Variants in PDE4DIP observed in about 807,000 individuals in gnomAD.
PDE4DIP encodes the protein myomegalin.
A neutral mutation model predicts 221.4 loss-of-function variants in PDE4DIP; 59 were observed. The observed-to-expected ratio is 0.27, with a 90% CI of 0.22 to 0.33. The LOEUF is 0.33. Among genes scored for constraint, PDE4DIP ranks in the 10% least tolerant of loss-of-function variants. The pLI, the probability that PDE4DIP is intolerant of heterozygous loss-of-function variation, is 1.00. For synonymous variants in PDE4DIP, 404 were observed against 815.9 expected (o/e 0.50, Z 8.60); for missense variants, 1,036 against 2,154.2 (o/e 0.48, Z 10.28).
rs1553503722 is a variant in PDE4DIP at position 148,957,517 on chromosome 1, TACA to T, written c.637-3136_637-3134del. On this transcript the variant is annotated intron_variant, in intron 5 of 43. Transcript: ENST00000369354. ...AGTTGCTGTTCGAATATATGTTATA[TACA>T]GTCTTATTTCTAAGAGAGCCACTAA... 3.4e-4 allele frequency among the ~76,000 whole-genome samples: 51 copies of T among 151,820 alleles called. No homozygotes were observed. In the South Asian group the frequency reaches 5.7e-3, roughly 17 times the overall value.
rs2060470416 is a variant in PDE4DIP, at chr1:148,977,802, TG to T, written c.2320-133del. ...TTTGTTACTATACTGCATGGATTAT[TG>T]GTTTGATGCTGTAGAGCCCTATTCA... On this transcript the variant is annotated intron_variant, in intron 17 of 43. Transcript: ENST00000369354. 9 of 1,329,860 alleles carry T rather than the reference TG, an allele frequency of 6.8e-6. No individual in the cohort carries two copies. In the South Asian group the frequency reaches 8.7e-5, roughly 13 times the overall value. 82.4% of individuals were successfully genotyped at this position (1,329,860 alleles called of 1,614,324 possible).
At chr1:149,029,666 A>T in intron 41 of PDE4DIP, 121 bp from the exon 45 acceptor site, 4 of 746,576 alleles carry the variant, frequency 5.4e-6, no homozygotes, top group Non-Finnish European at 8.8e-6. Context: ...GTGAAGGAGG[A>T]AATCCAGTTC....
At position 149,030,067 on chromosome 1, in the gene PDE4DIP, G is replaced by T. The variant is rs2274128; in HGVS notation, c.6952+142G>T. 9.4e-4 allele frequency: 1,042 copies of T among 1,102,782 alleles called. 5 individuals carry two copies. Among genetic ancestry groups the T allele is most frequent in the African/African-American group, 3.1e-3 (203 of 65,194 alleles). The allele number at this position is 1,102,782 out of a possible 1,614,324, so 68.3% of individuals were successfully genotyped here. On this transcript the variant is annotated intron_variant, in intron 42 of 43. Transcript: ENST00000369354. ...TGATGTCCCCAAACCTCCTGTACCA[G>T]GAGCAATTGTGGCTGCAGAGGGAGG...
At chr1:148,832,732 G>A (rs587666727) in intron 1 of PDE4DIP, among the ~76,000 whole-genome samples, 79 of 149,434 alleles carry the variant, frequency 5.3e-4, no homozygotes, top group Middle Eastern at 6.9e-3. Context: ...TGCTGATTAC[G>A]TTTATTGATT....
chr1:148,937,565 A>C, intron 4 of PDE4DIP, among the ~76,000 whole-genome samples, 182 bp from the exon 8 acceptor site: 1 of 152,302 alleles, frequency 6.6e-6, no homozygotes, highest in East Asian at 1.9e-4. Flanking sequence ...TTGTTTGTGT[A>C]TATATTTGGG....
At chr1:148,938,582 G>T (rs1464665283) in intron 5 of PDE4DIP, 4 of 152,308 alleles carry the variant, frequency 2.6e-5, no homozygotes, top group Admixed American at 6.5e-5. Context: ...TTTTTTGAGG[G>T]TTAAGTTGTA....
intron 5 of PDE4DIP, among the ~76,000 whole-genome samples, chr1:148,945,326 G>A (rs1406095407): frequency 1.3e-5 from 2 of 151,776 alleles, no homozygotes; most frequent in African/African-American, 4.8e-5. Context: ...GGCTGGATTT[G>A]GTCCACAGTC....
chr1:148,844,528 C>T (rs1553380542), intron 1 of PDE4DIP: 1 of 107,766 alleles, frequency 9.3e-6, no homozygotes, highest in African/African-American at 3.4e-5. Flanking sequence ...TGAGTCCAGC[C>T]TCCTACTGAG....
At chr1:148,889,159 G>A (rs1359486389), upstream of PDE4DIP, among the ~76,000 whole-genome samples, 6 of 152,112 alleles carry the variant, frequency 3.9e-5, no homozygotes, top group South Asian at 2.1e-4. Context: ...TTTGACATGC[G>A]GTTACCTTTG....
intron 22 of PDE4DIP, 92 bp downstream of exon 25, chr1:148,992,065 T>G (rs2063204528): frequency 1.3e-6 from 1 of 748,908 alleles, no homozygotes; most frequent in South Asian, 1.6e-5. Context: ...GCGGACTTAG[T>G]GAGAAGATAT....
At chr1:148,967,994 G>A (rs1431744890) in intron 13 of PDE4DIP, 89 bp downstream of exon 16, 6 of 787,616 alleles carry the variant, frequency 7.6e-6, no homozygotes, top group Non-Finnish European at 1.2e-5. Flanking sequence ...GGAGGACTGT[G>A]ACCCAAGTCT....
intron 3 of PDE4DIP, among the ~76,000 whole-genome samples, chr1:148,869,780 A>AG (rs1553411746): frequency 1.0e-5 from 1 of 95,778 alleles, no homozygotes; most frequent in African/African-American, 4.7e-5. Context: ...TGTGCTCTAA[A>AG]AAAAAAAAAA....
intron 1 of PDE4DIP, among the ~76,000 whole-genome samples, chr1:148,926,838 CT>C (rs1553466073): frequency 6.8e-6 from 1 of 147,988 alleles, no homozygotes; most frequent in Admixed American, 6.8e-5. Context: ...AGCAAATCTT[CT>C]ATTTTACTGA....
intron 20 of PDE4DIP, 34 bp from the exon 24 acceptor site, chr1:148,981,236 A>G: frequency 6.2e-7 from 1 of 1,610,030 alleles, no homozygotes. Context: ...TTGATGGCTA[A>G]TCCACTTTCC....
At chr1:148,963,694 T>C (rs587660632) in intron 9 of PDE4DIP, among the ~76,000 whole-genome samples, 344 of 149,588 alleles carry the variant, frequency 2.3e-3, no homozygotes, top group African/African-American at 8.3e-3. Flanking sequence ...ATAATAAATA[T>C]ACGATTCTTT....
At chr1:148,998,227 G>C (rs782687976) in exon 23 of PDE4DIP, 4 of 1,561,262 alleles carry the variant, frequency 2.6e-6, no homozygotes, top group Non-Finnish European at 3.5e-6. Flanking sequence ...GATGGGAGGG[G>C]ACAGTAACAG....
chr1:148,976,894 A>G (rs1461691857), intron 17 of PDE4DIP, among the ~76,000 whole-genome samples: 1 of 151,498 alleles, frequency 6.6e-6, no homozygotes, highest in Non-Finnish European at 1.5e-5. Context: ...AAAAAGTCTA[A>G]TGTGCCTACA....
chr1:148,828,952 G>T (rs1446279284), intron 1 of PDE4DIP, among the ~76,000 whole-genome samples: 1 of 150,506 alleles, frequency 6.6e-6, no homozygotes, highest in Non-Finnish European at 1.5e-5. Flanking sequence ...ACGAATGAAT[G>T]AGATAATGCA....
intron 5 of PDE4DIP, among the ~76,000 whole-genome samples, chr1:148,940,355 T>C (rs1210800204): frequency 6.6e-6 from 1 of 152,088 alleles, no homozygotes; most frequent in Non-Finnish European, 1.5e-5. Context: ...TGTACTAAAT[T>C]GATATGCTTT....
Sources: allele counts gnomAD v4.1 joint callset (sites outside exome capture counted in the v4.1 genomes callset), GRCh38; gene constraint gnomAD v4.1.1; transcripts MANE v1.5; gene names NCBI Gene and HGNC (gene_info 2026-07-23, HGNC 2026-07-21).